Variants in ANKRD28 observed in about 807,000 individuals in gnomAD.
ANKRD28 encodes the protein serine/threonine-protein phosphatase 6 regulatory ankyrin repeat subunit A.
A neutral mutation model predicts 126.5 loss-of-function variants in ANKRD28; 44 were observed. The observed-to-expected ratio is 0.35, with a 90% CI of 0.27 to 0.45. ANKRD28 has a LOEUF of 0.45. ANKRD28 is among the 20% of genes least tolerant of loss of function. The probability of loss-of-function intolerance (pLI) is 1.00; values close to 1 mark genes in which losing one functional copy is unlikely to be tolerated. For missense variants in ANKRD28, 1,110 were observed against 1,316.6 expected, an observed-to-expected ratio of 0.84 and a Z score of 2.43; for synonymous variants, 442 against 468.5, an observed-to-expected ratio of 0.94 and a Z score of 0.73.
At chr3:15,745,971 T>C (rs952044422) in intron 4 of ANKRD28, among the ~76,000 whole-genome samples, 2 of 152,288 alleles carry the variant, frequency 1.3e-5, no homozygotes, top group East Asian at 1.9e-4. Flanking sequence ...TCTGCAGCCA[T>C]TGTGAAAGGG....
In ANKRD28 at chr3:15,721,012, T is replaced by G. The variant is rs773107712; in HGVS notation, c.899A>C (p.Glu300Ala). Residue 300 changes from glutamate (E) to alanine (A), a missense_variant, in exon 8 of 28, where the codon GAA becomes GCA. Physicochemically the swap from Glu to Ala is moderately radical, Grantham distance 107 (BLOSUM62 -1). Coordinates refer to ENST00000683139, the MANE Select transcript of ANKRD28 (RefSeq NM_001349278.2). Reference protein sequence around the residue: ...DCGAIVNQKNEKGFTPLHFAA... With the variant: ...DCGAIVNQKNAKGFTPLHFAA... ...AAAGTGCAAAGGAGTAAATCCTTTT[T>G]CATTCTTTTGATTCACAATAGCACC... The G allele has an allele frequency of 6.2e-7, 1 of 1,613,822 alleles. No individual in the cohort carries two copies. Among genetic ancestry groups the G allele is most frequent in the African/African-American group, 1.3e-5 (1 of 74,944 alleles).
At chr3:15,746,011 G>T (rs888441213) in intron 4 of ANKRD28, among the ~76,000 whole-genome samples, 1 of 152,034 alleles carries the variant, frequency 6.6e-6, no homozygotes, top group Non-Finnish European at 1.5e-5. Context: ...GCTCAACTTG[G>T]TCGCCATTAG....
chr3:15,686,677 T>A (rs2068163632), intron 18 of ANKRD28, among the ~76,000 whole-genome samples: 1 of 152,160 alleles, frequency 6.6e-6, no homozygotes, highest in Non-Finnish European at 1.5e-5. Flanking sequence ...AACCCCATTC[T>A]CCTCTGACAG....
chr3:15,770,900 G>C lies in ANKRD28; in HGVS notation c.202-4588C>G, dbSNP rs192142643. Among the ~76,000 whole-genome samples the C allele has an allele frequency of 1.6e-4, 24 of 152,292 alleles. 1 individual carries two copies. The highest frequency in any genetic ancestry group is 1.6e-3 in the Admixed American group (24 of 15,296). ...ATGGTGAGAGTGTCTTAGAGAAGGA[G>C]AGCAAACCTGAAGATTTTTATTAGT... On this transcript the variant is annotated intron_variant, in intron 2 of 27. Coordinates refer to ENST00000683139, the MANE Select transcript of ANKRD28 (RefSeq NM_001349278.2).
Position 15,668,124 on chromosome 3 carries a change from T to G in ANKRD28, c.*2146A>C, listed in dbSNP as rs1275302783. On this transcript the variant is annotated 3_prime_UTR_variant, in exon 28 of 28. Coordinates refer to ENST00000683139, the MANE Select transcript of ANKRD28 (RefSeq NM_001349278.2). ...GGAAGACCTTTCTAACAGTTAGAGC[T>G]GCTCAACAACTGAATGGACTGCTTG... The G allele has an allele frequency of 2.0e-5, 3 of 152,210 alleles. No homozygotes were observed. Among genetic ancestry groups the G allele is most frequent in the African/African-American group, 7.2e-5 (3 of 41,438 alleles). 9.4% of individuals were successfully genotyped at this position (152,210 alleles called of 1,614,324 possible).
intron 6 of ANKRD28, among the ~76,000 whole-genome samples, chr3:15,726,722 G>C (rs901182364): frequency 6.6e-6 from 1 of 152,238 alleles, no homozygotes; most frequent in Non-Finnish European, 1.5e-5. Context: ...TTTCAATGCA[G>C]ATGAAACGGC....
At position 15,830,627 on chromosome 3, in the gene ANKRD28, T is replaced by C. The variant is rs796721142; in HGVS notation, c.27+28750A>G. On this transcript the variant is annotated intron_variant, in intron 1 of 27. Transcript: ENST00000399451. The surrounding 1 kb of genome is among the most constrained non-coding windows in gnomAD (Gnocchi z 4.5). ...AATTGTCTTCCACGAAACTGGTCCC[T>C]GGTGCCAAAAACACTGGGGACTGCT... 2.0e-5 allele frequency among the ~76,000 whole-genome samples: 3 copies of C among 151,188 alleles called. No individual in the cohort carries two copies. Among genetic ancestry groups the C allele is most frequent in the African/African-American group, 7.3e-5 (3 of 41,206 alleles).
At chr3:15,671,679 G>A (rs759735304) in intron 27 of ANKRD28, among the ~76,000 whole-genome samples, 1 of 151,330 alleles carries the variant, frequency 6.6e-6, no homozygotes, top group African/African-American at 2.4e-5. Flanking sequence ...TGCCTCCTGG[G>A]TTCAAGTGAT....
intron 27 of ANKRD28, among the ~76,000 whole-genome samples, chr3:15,675,392 A>C (rs530085206): frequency 1.3e-5 from 2 of 152,322 alleles, no homozygotes; most frequent in South Asian, 4.1e-4. Context: ...TGGCAGGAGC[A>C]GTGAGATTTA....
rs2125561073 is a variant in ANKRD28, at chr3:15,668,985, C to T, written c.*1285G>A. On this transcript the variant is annotated 3_prime_UTR_variant, in exon 28 of 28. Transcript: ENST00000683139. ...ACAGTAAAAGCAGAACCACACAAAT[C>T]TTTATTTAAAAGCCGAAATATCAGC... is the stretch of plus-strand genomic sequence containing the variant. The T allele has an allele frequency of 6.5e-6, 1 of 152,730 alleles. No homozygotes were observed. The highest frequency in any genetic ancestry group is 2.1e-4 in the South Asian group (1 of 4,832). 9.5% of individuals were successfully genotyped at this position (152,730 alleles called of 1,614,324 possible).
chr3:15,761,826 G>A (rs1202102798), intron 3 of ANKRD28, among the ~76,000 whole-genome samples: 1 of 152,092 alleles, frequency 6.6e-6, no homozygotes, highest in African/African-American at 2.4e-5. Flanking sequence ...GATATAACAT[G>A]AATGAACTGA....
intron 6 of ANKRD28, among the ~76,000 whole-genome samples, chr3:15,734,591 A>C (rs1269784516): frequency 6.6e-6 from 1 of 152,198 alleles, no homozygotes; most frequent in Non-Finnish European, 1.5e-5. Context: ...TGAAAAATGA[A>C]TGTCTACAAC....
At chr3:15,788,335 T>C (rs959367396) in intron 2 of ANKRD28, among the ~76,000 whole-genome samples, 2 of 152,318 alleles carry the variant, frequency 1.3e-5, no homozygotes, top group African/African-American at 4.8e-5. Context: ...TATTGCTTTA[T>C]AGTACTATTT....
rs200410074 is a variant in ANKRD28, at chr3:15,724,451, T to G, written c.714A>C (p.Thr238=). The change falls in exon 7 of 28, where the codon ACA becomes ACC. Residue 238 remains threonine, a synonymous_variant. Coordinates refer to ENST00000683139, the MANE Select transcript of ANKRD28 (RefSeq NM_001349278.2). ...CACTAGAGGCTGCTGCATGAAGAGG[T>G]GTATAAGACTTTTTATCCTTGCATG... is the stretch of plus-strand genomic sequence containing the variant. The part of the protein sequence containing the change: ...EVTCKDKKSY[T]PLHAAASSGM... 6 of 1,601,034 alleles carry G rather than the reference T, an allele frequency of 3.7e-6. No individual in the cohort carries two copies. The Admixed American group carries it at 8.6e-5, about 23-fold the overall frequency.
At chr3:15,737,557 T>A (rs1031631862) in intron 4 of ANKRD28, among the ~76,000 whole-genome samples, 4 of 12,732 alleles carry the variant, frequency 3.1e-4, no homozygotes, top group Non-Finnish European at 4.4e-4. Context: ...TTCAAATTCC[T>A]TGGCTTAAGT....
In ANKRD28 at chr3:15,748,259, T is replaced by A. The variant is rs543835929; in HGVS notation, c.351+3491A>T. Among the ~76,000 whole-genome samples, 16 of 152,308 alleles carry A rather than the reference T, an allele frequency of 1.1e-4. 1 individual carries two copies. In the East Asian group the frequency reaches 1.3e-3, roughly 13 times the overall value. On this transcript the variant is annotated intron_variant, in intron 4 of 27. Transcript: ENST00000683139. The stretch of plus-strand genomic sequence containing the variant: ...TATTTGTTGCCTGAATACCTTTTTT[T>A]AAAAATCATATTATTGTTACATAGG...
intron 8 of ANKRD28, among the ~76,000 whole-genome samples, chr3:15,717,300 A>G (rs2073182607): frequency 1.3e-5 from 2 of 152,274 alleles, no homozygotes; most frequent in South Asian, 4.1e-4. Context: ...TTATAAGCCT[A>G]TATGTGGCAC....
chr3:15,813,601 T>C (rs1172389591), intron 1 of ANKRD28, among the ~76,000 whole-genome samples: 2 of 152,194 alleles, frequency 1.3e-5, no homozygotes, highest in Non-Finnish European at 2.9e-5. Context: ...TTTTATACTC[T>C]AAAAAATATT....
In ANKRD28 at chr3:15,714,480, G is replaced by A. The variant is rs992064513; in HGVS notation, c.1075+98C>T. On this transcript the variant is annotated intron_variant, in intron 9 of 27. Transcript: ENST00000683139. ...CATGTATTAAAAATACACAAAATGC[G>A]ATGACAATTCCTCAATACCATTCAT... 19 of 817,828 alleles carry A rather than the reference G, an allele frequency of 2.3e-5. No individual in the cohort carries two copies. In the South Asian group the frequency reaches 3.0e-4, roughly 13 times the overall value. 50.7% of individuals were successfully genotyped at this position (817,828 alleles called of 1,614,324 possible).
Sources: gnomAD v4.1 joint callset for allele counts (sites outside exome capture counted in the v4.1 genomes callset) on GRCh38, gnomAD v4.1.1 for gene constraint, Gnocchi (gnomAD v3.1) non-coding constraint, MANE v1.5 for transcripts, NCBI Gene and HGNC (gene_info 2026-07-23, HGNC 2026-07-21) for gene names.